Variants in LHFPL3 observed in about 807,000 individuals in gnomAD.
LHFPL3 encodes the protein LHFPL tetraspan subfamily member 3.
Under a neutral mutation model 19.3 loss-of-function variants are expected in LHFPL3, and 5 were observed. The ratio of observed to expected loss-of-function variants is 0.26; its 90% CI spans 0.14 to 0.54. The LOEUF (loss-of-function observed/expected upper bound fraction) is 0.54. Ranked by LOEUF, LHFPL3 falls within the 20% of genes least tolerant of loss-of-function variation. The probability of loss-of-function intolerance (pLI) is 0.94; values close to 1 mark genes in which losing one functional copy is unlikely to be tolerated. For missense variants in LHFPL3, 249 were observed against 307.4 expected, an observed-to-expected ratio of 0.81 and a Z score of 1.42; for synonymous variants, 133 against 126.2, an observed-to-expected ratio of 1.05 and a Z score of -0.36.
At chr7:104,824,021 C>G (rs1362723188) in intron 2 of LHFPL3, among the ~76,000 whole-genome samples, 1 of 145,950 alleles carries the variant, frequency 6.9e-6, no homozygotes, top group Non-Finnish European at 1.5e-5. Flanking sequence ...TGGTGCATGC[C>G]TATAATCCCA....
intron 1 of LHFPL3, among the ~76,000 whole-genome samples, chr7:104,652,251 G>T (rs891030125): frequency 6.6e-6 from 1 of 152,188 alleles, no homozygotes; most frequent in Non-Finnish European, 1.5e-5. Context: ...GAATGAGGGT[G>T]TGTAGAGTAT....
At chr7:104,465,993 T>C (rs1362064692) in intron 1 of LHFPL3, among the ~76,000 whole-genome samples, 1 of 152,232 alleles carries the variant, frequency 6.6e-6, no homozygotes, top group Non-Finnish European at 1.5e-5. Flanking sequence ...AATTATGTGA[T>C]TGATTTAGAG....
rs1232080543 is a variant in LHFPL3, at chr7:104,821,167, C to CA, written c.682+84257dup. On this transcript the variant is annotated intron_variant, in intron 2 of 2. Coordinates refer to ENST00000424859, the MANE Select transcript of LHFPL3 (RefSeq NM_199000.3). ...GTGTTCAATTTTTTAATAAATGTGA[C>CA]AGGAAATGAGTCCCAAAGAAAATCT... Among the ~76,000 whole-genome samples, 13 of 152,264 alleles carry CA rather than the reference C, an allele frequency of 8.5e-5. 2 individuals carry two copies. In the South Asian group the frequency reaches 1.9e-3, roughly 22 times the overall value.
intron 2 of LHFPL3, among the ~76,000 whole-genome samples, chr7:104,737,323 A>T (rs1426870940): frequency 6.6e-6 from 1 of 152,150 alleles, no homozygotes; most frequent in East Asian, 1.9e-4. Flanking sequence ...AGAATCTCTA[A>T]CATCATCTAT....
chr7:104,818,103 G>A (rs185319915), intron 2 of LHFPL3, among the ~76,000 whole-genome samples: 28 of 152,218 alleles, frequency 1.8e-4, no homozygotes, highest in Admixed American at 3.3e-4. Flanking sequence ...AAGAGGAATC[G>A]GAAGGATTTA....
intron 2 of LHFPL3, among the ~76,000 whole-genome samples, chr7:104,793,733 A>C (rs1226186095): frequency 6.6e-6 from 1 of 152,188 alleles, no homozygotes; most frequent in Non-Finnish European, 1.5e-5. Flanking sequence ...AGAGCTGCCA[A>C]CTTGATTATG....
At chr7:104,857,303 T>A (rs989766009) in intron 2 of LHFPL3, among the ~76,000 whole-genome samples, 8 of 152,142 alleles carry the variant, frequency 5.3e-5, no homozygotes, top group African/African-American at 1.4e-4. Flanking sequence ...AAATATAATA[T>A]CACAATGATG....
chr7:104,670,138 CTT>C (rs71155516), intron 1 of LHFPL3, among the ~76,000 whole-genome samples: 5,990 of 140,410 alleles, frequency 0.043, 132 homozygotes, highest in African/African-American at 0.058. Flanking sequence ...GAGGGAATTC[CTT>C]TTTTTTTTTT....
intron 1 of LHFPL3, among the ~76,000 whole-genome samples, chr7:104,604,765 A>T (rs562343230): frequency 1.3e-5 from 2 of 152,308 alleles, no homozygotes; most frequent in South Asian, 4.1e-4. Flanking sequence ...ACTTAGGGAA[A>T]GCAAATAGCA....
intron 1 of LHFPL3, among the ~76,000 whole-genome samples, chr7:104,386,753 A>G (rs1488471893): frequency 6.6e-6 from 1 of 152,248 alleles, no homozygotes; most frequent in Non-Finnish European, 1.5e-5. Flanking sequence ...TTGTTCAATC[A>G]TTAGCTGACC....
chr7:104,653,157 C>T lies in LHFPL3; in HGVS notation c.446-83518C>T, dbSNP rs76207952. On this transcript the variant is annotated intron_variant, in intron 1 of 2. Coordinates refer to ENST00000424859, the MANE Select transcript of LHFPL3 (RefSeq NM_199000.3). ...AAAACCATGCTACAGTTGGCTTAGG[C>T]CTTAATGCAGTTGGGGTACATGAAA... 4.4e-3 allele frequency among the ~76,000 whole-genome samples: 677 copies of T among 152,252 alleles called. 41 individuals are homozygous for T. The East Asian group carries it at 0.11, about 25-fold the overall frequency.
rs537563275 is a variant in LHFPL3, at chr7:104,353,315, T to C, written c.445+24091T>C. On this transcript the variant is annotated intron_variant, in intron 1 of 2. Transcript: ENST00000424859. Reference sequence around the variant, plus strand: ...AACAGGAGTAAATTAGGGTACACCATGTTGCTGAGGTGTGATGTCAGATGA... The same window carrying C: ...AACAGGAGTAAATTAGGGTACACCACGTTGCTGAGGTGTGATGTCAGATGA... Among the ~76,000 whole-genome samples, 4 of 152,328 alleles carry C rather than the reference T, an allele frequency of 2.6e-5. No homozygotes were observed. The South Asian group carries it at 8.3e-4, about 32-fold the overall frequency.
intron 1 of LHFPL3, among the ~76,000 whole-genome samples, chr7:104,530,466 T>C (rs940726598): frequency 3.9e-5 from 6 of 152,186 alleles, no homozygotes; most frequent in Admixed American, 2.6e-4. Flanking sequence ...CGGATGGTTG[T>C]TTGCTTGTCC....
intron 2 of LHFPL3, among the ~76,000 whole-genome samples, chr7:104,859,404 C>T (rs1263131130): frequency 6.6e-6 from 1 of 152,070 alleles, no homozygotes; most frequent in Non-Finnish European, 1.5e-5. Context: ...CATGGTGGCT[C>T]ATGCCTGTAA....
intron 1 of LHFPL3, among the ~76,000 whole-genome samples, chr7:104,539,080 C>T (rs548304671): frequency 1.3e-5 from 2 of 152,290 alleles, no homozygotes; most frequent in South Asian, 4.1e-4. Context: ...CCCCTAGAGC[C>T]TCCAAAAAGT....
intron 2 of LHFPL3, among the ~76,000 whole-genome samples, chr7:104,837,474 C>G (rs921551521): frequency 2.6e-5 from 4 of 152,118 alleles, no homozygotes; most frequent in African/African-American, 9.7e-5. Context: ...CTAAATCTTC[C>G]CTGTGTATTT....
intron 2 of LHFPL3, among the ~76,000 whole-genome samples, chr7:104,879,623 G>A (rs947494237): frequency 2.0e-5 from 3 of 152,186 alleles, no homozygotes; most frequent in African/African-American, 7.2e-5. Flanking sequence ...TACTCGAGAG[G>A]CTGAGGTAGG....
chr7:104,728,827 G>C (rs1212273890), intron 1 of LHFPL3, among the ~76,000 whole-genome samples: 3 of 152,048 alleles, frequency 2.0e-5, no homozygotes, highest in Non-Finnish European at 2.9e-5. Context: ...ACCAAGAACA[G>C]TGCTTGGTAC....
At chr7:104,698,628 G>A (rs1250748638) in intron 1 of LHFPL3, among the ~76,000 whole-genome samples, 3 of 152,210 alleles carry the variant, frequency 2.0e-5, no homozygotes, top group Non-Finnish European at 4.4e-5. Context: ...GTTTACAGCA[G>A]TTGTATTCAT....
Sources: allele counts gnomAD v4.1 joint callset (sites outside exome capture counted in the v4.1 genomes callset), GRCh38; gene constraint gnomAD v4.1.1; transcripts MANE v1.5; gene names NCBI Gene and HGNC (gene_info 2026-07-23, HGNC 2026-07-21).